The following PTPRD variants were observed in gnomAD, a reference collection of about 807,000 sequenced individuals.
PTPRD encodes receptor-type tyrosine-protein phosphatase delta.
PTPRD carries 34 observed loss-of-function variants against 214.5 expected under a neutral mutation model. The observed-to-expected ratio is 0.16, with a 90% CI of 0.12 to 0.21. The LOEUF is 0.21. Ranked by LOEUF, PTPRD falls within the 10% of genes least tolerant of loss-of-function variation. The pLI, the probability that PTPRD is intolerant of heterozygous loss-of-function variation, is 1.00. For missense variants in PTPRD, 2,545 were observed against 2,398.7 expected (o/e 1.06, Z -1.27); for synonymous variants, 1,128 against 845.7 (o/e 1.33, Z -5.79).
At chr9:10,594,753 C>T (rs1295511712) in intron 2 of PTPRD, among the ~76,000 whole-genome samples, 4 of 151,968 alleles carry the variant, frequency 2.6e-5, no homozygotes, top group Non-Finnish European at 5.9e-5. Flanking sequence ...CACAAGAAAT[C>T]TACTGGTTCA....
chr9:9,184,700 G>A (rs986951187), intron 9 of PTPRD, among the ~76,000 whole-genome samples: 8 of 151,976 alleles, frequency 5.3e-5, no homozygotes, highest in Non-Finnish European at 1.0e-4. Context: ...GTAAACTATG[G>A]TACCCCGTGG....
At chr9:8,982,620 C>A (rs10816027) in intron 11 of PTPRD, among the ~76,000 whole-genome samples, 43,711 of 151,098 alleles carry the variant, frequency 0.29, 7,284 homozygotes, top group East Asian at 0.62. Flanking sequence ...CAATCATCAT[C>A]TTATAAATTT....
At chr9:9,066,181 C>G (rs1000284391) in intron 10 of PTPRD, among the ~76,000 whole-genome samples, 2 of 152,102 alleles carry the variant, frequency 1.3e-5, no homozygotes, top group African/African-American at 2.4e-5. Flanking sequence ...TTATCCTACT[C>G]TCATAAAATC....
chr9:8,645,596 T>G (rs1740488966), intron 12 of PTPRD, among the ~76,000 whole-genome samples: 12 of 152,070 alleles, frequency 7.9e-5, no homozygotes, highest in Admixed American at 7.9e-4. Context: ...TACCAATATC[T>G]AATTTTTCAA....
At chr9:8,713,546 G>A in intron 12 of PTPRD, 2 of 1,332,652 alleles carry the variant, frequency 1.5e-6, no homozygotes, top group Non-Finnish European at 2.1e-6. Flanking sequence ...AAGAACTTCG[G>A]GATCTGGCTG....
chr9:9,072,388 C>G, intron 10 of PTPRD, among the ~76,000 whole-genome samples: 1 of 151,626 alleles, frequency 6.6e-6, no homozygotes, highest in Non-Finnish European at 1.5e-5. Flanking sequence ...TGCTACCAGA[C>G]TATACACAAT....
At chr9:10,104,235 G>A (rs963844775) in intron 3 of PTPRD, among the ~76,000 whole-genome samples, 91 of 151,854 alleles carry the variant, frequency 6.0e-4, no homozygotes, top group African/African-American at 2.0e-3. Flanking sequence ...GAGTTCTGGA[G>A]ATGGATGGTG....
intron 12 of PTPRD, among the ~76,000 whole-genome samples, chr9:8,725,829 G>A (rs1254908340): frequency 1.3e-5 from 2 of 152,110 alleles, no homozygotes; most frequent in Non-Finnish European, 2.9e-5. Context: ...CAAGCACTCT[G>A]CTCCAGGGTC....
At chr9:9,071,866 C>A (rs2099744215) in intron 10 of PTPRD, among the ~76,000 whole-genome samples, 1 of 152,124 alleles carries the variant, frequency 6.6e-6, no homozygotes. Context: ...AAGTAAAGCG[C>A]TTTGTAAGTG....
chr9:8,703,685 C>A (rs1338459755), intron 12 of PTPRD, among the ~76,000 whole-genome samples: 2 of 152,156 alleles, frequency 1.3e-5, no homozygotes, highest in Admixed American at 1.3e-4. Flanking sequence ...AACCCTACGG[C>A]ATTGTTATTC....
At chr9:8,661,600 G>A (rs757788222) in intron 12 of PTPRD, among the ~76,000 whole-genome samples, 1 of 151,954 alleles carries the variant, frequency 6.6e-6, no homozygotes, top group Non-Finnish European at 1.5e-5. Flanking sequence ...TTTCACTAAC[G>A]TTTAAAAATT....
At chr9:9,724,611 C>T (rs758666374) in intron 7 of PTPRD, among the ~76,000 whole-genome samples, 2 of 152,084 alleles carry the variant, frequency 1.3e-5, no homozygotes, top group African/African-American at 2.4e-5. Context: ...TCACAGAATG[C>T]TTGGAAAGTA....
chr9:9,604,743 A>C (rs1381293198), intron 7 of PTPRD, among the ~76,000 whole-genome samples: 1 of 152,068 alleles, frequency 6.6e-6, no homozygotes, highest in Non-Finnish European at 1.5e-5. Context: ...TGTTTGACAA[A>C]GTCAAACATC....
chr9:8,394,027 C>G (rs1042382864), intron 36 of PTPRD, among the ~76,000 whole-genome samples: 2 of 152,018 alleles, frequency 1.3e-5, no homozygotes, highest in Admixed American at 6.6e-5. Context: ...GCACAACAAG[C>G]CATAGCAAAC....
rs1174968018 is a variant in PTPRD at position 8,316,597 on chromosome 9, C to G, written c.*1277G>C. On this transcript the variant is annotated 3_prime_UTR_variant, in exon 46 of 46. Coordinates refer to ENST00000381196, the MANE Select transcript of PTPRD (RefSeq NM_002839.4). ...AAGGGATATGCACTGACCTTTCCCACATGCACACCTCTTAGCTATTTAATA... is the reference window on the plus strand; with the variant it reads ...AAGGGATATGCACTGACCTTTCCCAGATGCACACCTCTTAGCTATTTAATA... 4.3e-6 allele frequency: 1 copy of G among 230,920 alleles called. No individual in the cohort carries two copies. Among genetic ancestry groups the G allele is most frequent in the Non-Finnish European group, 8.6e-6 (1 of 116,372 alleles). The allele number at this position is 230,920 out of a possible 1,614,324, so 14.3% of individuals were successfully genotyped here.
chr9:10,128,607 T>C (rs1474830953), intron 3 of PTPRD, among the ~76,000 whole-genome samples: 2 of 152,120 alleles, frequency 1.3e-5, no homozygotes, highest in Non-Finnish European at 2.9e-5. Context: ...AAGCCACCCA[T>C]ATTGTGGCAT....
At chr9:8,557,443 T>C (rs1056619247) in intron 14 of PTPRD, among the ~76,000 whole-genome samples, 3 of 129,150 alleles carry the variant, frequency 2.3e-5, no homozygotes, top group Non-Finnish European at 4.4e-5. Flanking sequence ...TACATATATA[T>C]ATATATATAT....
intron 4 of PTPRD, among the ~76,000 whole-genome samples, chr9:10,023,012 G>A (rs189322810): frequency 7.2e-5 from 11 of 152,138 alleles, no homozygotes; most frequent in East Asian, 1.9e-4. Flanking sequence ...TGTACTAGAC[G>A]CATATATTCT....
chr9:8,896,362 A>G (rs532396694), intron 11 of PTPRD, among the ~76,000 whole-genome samples: 1 of 152,184 alleles, frequency 6.6e-6, no homozygotes, highest in Non-Finnish European at 1.5e-5. Flanking sequence ...TTAAAATAAT[A>G]CAGAAGAACA....
Sources: gnomAD v4.1 joint callset for allele counts (sites outside exome capture counted in the v4.1 genomes callset) on GRCh38, gnomAD v4.1.1 for gene constraint, MANE v1.5 for transcripts, NCBI Gene and HGNC (gene_info 2026-07-23, HGNC 2026-07-21) for gene names.